The following CACNA1I variants were observed in gnomAD, a reference collection of about 807,000 sequenced individuals.
CACNA1I encodes the protein calcium voltage-gated channel subunit alpha1 I, also known as voltage-dependent T-type calcium channel subunit alpha-1I.
In CACNA1I, 74 loss-of-function variants were observed where a neutral mutation model predicts 201.6. The observed-to-expected ratio is 0.37, with a 90% CI of 0.30 to 0.45. The LOEUF is 0.45. Ranked by LOEUF, CACNA1I falls within the 20% of genes least tolerant of loss-of-function variation. CACNA1I has a pLI of 1.00. For synonymous variants in CACNA1I, 1,431 were observed against 1,345.2 expected (o/e 1.06, Z -1.40); for missense variants, 2,346 against 3,138.1 (o/e 0.75, Z 6.03).
intron 4 of CACNA1I, among the ~76,000 whole-genome samples, chr22:39,622,585 C>A (rs1933778039): frequency 1.0e-5 from 1 of 100,350 alleles, no homozygotes; most frequent in Non-Finnish European, 2.0e-5. Context: ...ACACCCCTGG[C>A]CAGAGTGCGG....
At chr22:39,668,177 C>A in intron 23 of CACNA1I, 115 bp from the exon 24 acceptor site, 1 of 664,882 alleles carries the variant, frequency 1.5e-6, no homozygotes. Flanking sequence ...ACAGAGAAGA[C>A]CTCTTTGTCC....
rs778728744 is a variant in CACNA1I, at chr22:39,659,445, G to A, written c.2343G>A (p.Met781Ile). ...LFIFIFSILG[M>I]HIFGCKFSLR... ...ATCCTTTCCCCAGCATCCTTGGGAT[G>A]CATATTTTTGGCTGCAAGTTCAGCC... Residue 781 changes from methionine to isoleucine, a missense_variant, in exon 13 of 37, where the codon ATG becomes ATA. Transcript: ENST00000402142. The surrounding 1 kb of genome is among the most constrained non-coding windows in gnomAD (Gnocchi z 4.3). 1 of 1,558,174 alleles carries A rather than the reference G, an allele frequency of 6.4e-7. No individual in the cohort carries two copies. The highest frequency in any genetic ancestry group is 1.2e-5 in the South Asian group (1 of 85,254).
In CACNA1I at chr22:39,662,881, G is replaced by A; in HGVS notation, c.3473+5G>A. The A allele has an allele frequency of 6.4e-7, 1 of 1,550,868 alleles. No homozygotes were observed. The highest frequency in any genetic ancestry group is 8.8e-7 in the Non-Finnish European group (1 of 1,136,712). On this transcript the variant is annotated splice_donor_5th_base_variant and intron_variant, in intron 18 of 36. Coordinates refer to ENST00000402142, the MANE Select transcript of CACNA1I (RefSeq NM_021096.4). ...CCTCTTCTCTCCCGAGAACAGGTGG[G>A]CAGGGCCAGGCCTGGGGTGAGGGTT... is the stretch of plus-strand genomic sequence containing the variant.
Position 39,684,939 on chromosome 22 carries a change from A to G in CACNA1I, c.6027+441A>G, listed in dbSNP as rs1935813475. ...TGGTGGATGAGAAGCCTCGGGCTGCAGGGTCCCCCGTACTGGATTGGCCAG... is the reference window on the plus strand; with the variant it reads ...TGGTGGATGAGAAGCCTCGGGCTGCGGGGTCCCCCGTACTGGATTGGCCAG... On this transcript the variant is annotated intron_variant, in intron 36 of 36. Transcript: ENST00000402142. This position sits in a 1 kb window ranked among gnomAD's most constrained non-coding sequence, Gnocchi z 4.6. 6.2e-6 allele frequency: 2 copies of G among 321,692 alleles called. No homozygotes were observed. Among genetic ancestry groups the G allele is most frequent in the African/African-American group, 4.2e-5 (2 of 47,336 alleles). The allele number at this position is 321,692 out of a possible 1,614,324, so 19.9% of individuals were successfully genotyped here.
rs960414077 is a variant in CACNA1I at position 39,665,807 on chromosome 22, C to T, written c.3979-74C>T. 28 of 1,596,292 alleles carry T rather than the reference C, an allele frequency of 1.8e-5. 1 individual carries two copies. The highest frequency in any genetic ancestry group is 2.2e-5 in the East Asian group (1 of 44,698). ...GAGCACAAGACAGTCTGAGTAAACGCGATCGAGAGGCGAGTTCCTCTCTGA... is the reference window on the plus strand; with the variant it reads ...GAGCACAAGACAGTCTGAGTAAACGTGATCGAGAGGCGAGTTCCTCTCTGA... On this transcript the variant is annotated intron_variant, in intron 22 of 36. Coordinates refer to ENST00000402142, the MANE Select transcript of CACNA1I (RefSeq NM_021096.4). This position sits in a 1 kb window ranked among gnomAD's most constrained non-coding sequence, Gnocchi z 5.5.
chr22:39,655,526 C>G (rs1396364410), intron 10 of CACNA1I, among the ~76,000 whole-genome samples: 1 of 152,186 alleles, frequency 6.6e-6, no homozygotes, highest in Non-Finnish European at 1.5e-5. Context: ...TTTTGTGTCT[C>G]TTTCTGGCCG....
chr22:39,644,224 C>T (rs1268683689), intron 7 of CACNA1I, among the ~76,000 whole-genome samples: 1 of 152,144 alleles, frequency 6.6e-6, no homozygotes, highest in East Asian at 1.9e-4. Flanking sequence ...GTCTCCAGTT[C>T]CCGGGAGGGG....
At chr22:39,614,252 G>A (rs903363852) in intron 3 of CACNA1I, among the ~76,000 whole-genome samples, 5 of 152,206 alleles carry the variant, frequency 3.3e-5, no homozygotes, top group South Asian at 2.1e-4. Context: ...GCGGCAGGTA[G>A]CGAGTGCTCA....
At chr22:39,657,355 A>G (rs1601503714) in intron 10 of CACNA1I, among the ~76,000 whole-genome samples, 2 of 152,260 alleles carry the variant, frequency 1.3e-5, no homozygotes, top group Non-Finnish European at 1.5e-5. Context: ...CTGGGTCTGA[A>G]TGTCCTCCTC....
intron 3 of CACNA1I, among the ~76,000 whole-genome samples, chr22:39,605,705 C>T (rs1045525123): frequency 3.3e-5 from 5 of 152,140 alleles, no homozygotes; most frequent in Admixed American, 1.3e-4. Flanking sequence ...GGAATGGGGT[C>T]CTGCTTTTGA....
chr22:39,587,760 T>C (rs1932773045), intron 1 of CACNA1I: 1 of 446,402 alleles, frequency 2.2e-6, no homozygotes, highest in Non-Finnish European at 4.5e-6. Flanking sequence ...TGGTTTATTT[T>C]ATTTTATTTG....
Position 39,684,908 on chromosome 22 carries a change from C to G in CACNA1I, c.6027+410C>G, listed in dbSNP as rs1416402747. ...ATTACTAGGAATGGAGGTGGGAGGG[C>G]GGGTCTGGTGGATGAGAAGCCTCGG... is the stretch of plus-strand genomic sequence containing the variant. On this transcript the variant is annotated intron_variant, in intron 36 of 36. Transcript: ENST00000402142. The surrounding 1 kb of genome is among the most constrained non-coding windows in gnomAD (Gnocchi z 4.6). 1.8e-5 allele frequency: 5 copies of G among 283,276 alleles called. No homozygotes were observed. Among genetic ancestry groups the G allele is most frequent in the Non-Finnish European group, 2.7e-5 (4 of 149,740 alleles). 17.5% of individuals were successfully genotyped at this position (283,276 alleles called of 1,614,324 possible).
Position 39,686,300 on chromosome 22 carries a change from C to A in CACNA1I, c.6567C>A (p.Pro2189=). The change falls in exon 37 of 37, where the codon CCC becomes CCA. Residue 2189 remains proline (P), a synonymous_variant. Transcript: ENST00000402142. ...SWAADRSKDP[P]GRAPLPMGLG... is the part of the protein sequence containing the mutation. ...CCGCGGACCGCAGCAAGGACCCCCC[C>A]GGCCGGGCACCGCTGCCCATGGGCC... The A allele has an allele frequency of 7.5e-7, 1 of 1,325,728 alleles. No homozygotes were observed. Among genetic ancestry groups the A allele is most frequent in the South Asian group, 1.9e-5 (1 of 54,032 alleles). 82.1% of individuals were successfully genotyped at this position (1,325,728 alleles called of 1,614,324 possible).
At chr22:39,602,099 G>T (rs1353588279) in intron 3 of CACNA1I, among the ~76,000 whole-genome samples, 1 of 97,646 alleles carries the variant, frequency 1.0e-5, no homozygotes, top group African/African-American at 4.1e-5. Context: ...TTGAGATGGG[G>T]TCTCACTCTG....
chr22:39,658,325 C>G (rs529457971), intron 11 of CACNA1I, 22 bp downstream of exon 11: 2 of 1,609,952 alleles, frequency 1.2e-6, no homozygotes, highest in East Asian at 2.2e-5. Flanking sequence ...CCAACCCACC[C>G]GGCAGCAGAG....
In CACNA1I at chr22:39,648,712, G is replaced by A. The variant is rs375123678; in HGVS notation, c.1567+786G>A. 6.6e-6 allele frequency among the ~76,000 whole-genome samples: 1 copy of A among 152,176 alleles called. No individual in the cohort carries two copies. The highest frequency in any genetic ancestry group is 1.9e-4 in the East Asian group (1 of 5,166). ...TTTTTGGCTTACACAAGCAAAATGT[G>A]TTTATTCTAGGAATATATAGGAAAA... On this transcript the variant is annotated intron_variant, in intron 9 of 36. Coordinates refer to ENST00000402142, the MANE Select transcript of CACNA1I (RefSeq NM_021096.4). The surrounding 1 kb of genome is among the most constrained non-coding windows in gnomAD (Gnocchi z 5.4).
Position 39,659,075 on chromosome 22 carries a change from C to T in CACNA1I, c.2289C>T (p.Ala763=), listed in dbSNP as rs1934915835. The change falls in exon 12 of 37, where the codon GCC becomes GCT. Residue 763 remains alanine, a synonymous_variant. Transcript: ENST00000402142. The surrounding 1 kb of genome is among the most constrained non-coding windows in gnomAD (Gnocchi z 4.3). ...VVLMKTMDNV[A]TFCMLLMLFI... ...TCATGAAGACCATGGACAACGTGGCCACCTTCTGCATGCTGCTCATGCTCT... is the reference window on the plus strand; with the variant it reads ...TCATGAAGACCATGGACAACGTGGCTACCTTCTGCATGCTGCTCATGCTCT... 1 of 1,613,354 alleles carries T rather than the reference C, an allele frequency of 6.2e-7. No individual in the cohort carries two copies. The highest frequency in any genetic ancestry group is 8.5e-7 in the Non-Finnish European group (1 of 1,179,792).
At chr22:39,604,640 C>G (rs929199145) in intron 3 of CACNA1I, among the ~76,000 whole-genome samples, 2 of 151,988 alleles carry the variant, frequency 1.3e-5, no homozygotes, top group Non-Finnish European at 2.9e-5. Context: ...TGCAGTGGTG[C>G]GATCACAGCT....
rs747858090 is a variant in CACNA1I at position 39,658,998 on chromosome 22, G to A, written c.2212G>A (p.Val738Met). The A allele has an allele frequency of 1.9e-6, 3 of 1,610,690 alleles. No homozygotes were observed. The highest frequency in any genetic ancestry group is 1.7e-4 in the Middle Eastern group (1 of 6,060). The change falls in exon 12 of 37, where the codon GTG becomes ATG. Residue 738 changes from valine (V) to methionine (M), a missense_variant. Physicochemically the swap from Val to Met is conservative, Grantham distance 21. Transcript: ENST00000402142. ...SVLRTFRLLRVLKLVRFMPAL... is the reference protein window; with the variant it reads ...SVLRTFRLLRMLKLVRFMPAL... ...GCTGCGGACCTTCCGGCTGCTGCGC[G>A]TGCTGAAACTGGTGCGCTTCATGCC...
Sources: allele counts gnomAD v4.1 joint callset (sites outside exome capture counted in the v4.1 genomes callset), GRCh38; gene constraint gnomAD v4.1.1; non-coding constraint Gnocchi (gnomAD v3.1); transcripts MANE v1.5; gene names NCBI Gene and HGNC (gene_info 2026-07-23, HGNC 2026-07-21).